Variants in AK5 observed in about 807,000 individuals in gnomAD.
AK5 encodes the protein adenylate kinase isoenzyme 5.
In AK5, 27 loss-of-function variants were observed where a neutral mutation model predicts 69.5. The observed-to-expected ratio is 0.39, with a 90% CI of 0.29 to 0.54. The LOEUF (loss-of-function observed/expected upper bound fraction) is 0.54. Ranked by LOEUF, AK5 falls within the 20% of genes least tolerant of loss-of-function variation. The pLI, the probability that AK5 is intolerant of heterozygous loss-of-function variation, is 0.71. For synonymous variants in AK5, 260 were observed against 244.4 expected (o/e 1.06, Z -0.60); for missense variants, 531 against 700.4 (o/e 0.76, Z 2.73).
At chr1:77,292,740 A>G (rs1337039876) in intron 2 of AK5, among the ~76,000 whole-genome samples, 2 of 152,178 alleles carry the variant, frequency 1.3e-5, no homozygotes, top group Non-Finnish European at 2.9e-5. Context: ...CAACTGTGTT[A>G]TATTTCCTGC....
chr1:77,486,554 C>G, intron 10 of AK5, among the ~76,000 whole-genome samples: 1 of 151,948 alleles, frequency 6.6e-6, no homozygotes, highest in Admixed American at 6.6e-5. Context: ...AAAAATTAGC[C>G]GGGCATGGTG....
At chr1:77,515,765 A>T (rs548611255) in intron 10 of AK5, among the ~76,000 whole-genome samples, 1 of 152,148 alleles carries the variant, frequency 6.6e-6, no homozygotes, top group African/African-American at 2.4e-5. Flanking sequence ...AAAAGGATGA[A>T]TGTGACCGGG....
At chr1:77,551,290 C>T (rs183858100) in intron 13 of AK5, among the ~76,000 whole-genome samples, 66 of 152,234 alleles carry the variant, frequency 4.3e-4, no homozygotes, top group Admixed American at 1.0e-3. Flanking sequence ...ACTTTATTCT[C>T]AGAACTTGGC....
chr1:77,291,433 A>G (rs1401615596), intron 2 of AK5, among the ~76,000 whole-genome samples: 1 of 152,058 alleles, frequency 6.6e-6, no homozygotes, highest in Non-Finnish European at 1.5e-5. Flanking sequence ...AATTCATTCT[A>G]ACTAGCAGAT....
intron 10 of AK5, among the ~76,000 whole-genome samples, chr1:77,491,968 C>T (rs1399260741): frequency 6.6e-6 from 1 of 152,134 alleles, no homozygotes; most frequent in African/African-American, 2.4e-5. Flanking sequence ...CTTGAAGTGA[C>T]AGGCTTTATT....
chr1:77,401,924 C>T (rs1649241645), intron 6 of AK5, among the ~76,000 whole-genome samples: 1 of 152,154 alleles, frequency 6.6e-6, no homozygotes, highest in Non-Finnish European at 1.5e-5. Context: ...TTCCAATTGA[C>T]CTCTCTAGCC....
At chr1:77,319,960 T>C (rs536171567) in intron 5 of AK5, among the ~76,000 whole-genome samples, 1 of 152,320 alleles carries the variant, frequency 6.6e-6, no homozygotes, top group African/African-American at 2.4e-5. Context: ...AGAAGGTGTA[T>C]TAGTCCATTC....
At position 77,287,087 on chromosome 1, in the gene AK5, A is replaced by G. The variant is rs1483331383; in HGVS notation, c.207A>G (p.Pro69=). The G allele has an allele frequency of 6.2e-7, 1 of 1,605,624 alleles. No individual in the cohort carries two copies. Among genetic ancestry groups the G allele is most frequent in the Non-Finnish European group, 8.5e-7 (1 of 1,176,086 alleles). The stretch of plus-strand genomic sequence containing the variant: ...GCCAGGAAAAGAAGACCTTACCTCC[A>G]CTAAATGGAGGACAGTCACGGAGAT... ...FVSQEKKTLP[P]LNGGQSRRSF... Residue 69 remains proline (P), a synonymous_variant, in exon 2 of 14, where the codon CCA becomes CCG. Transcript: ENST00000354567.
chr1:77,394,532 G>T (rs1648704641), intron 6 of AK5, among the ~76,000 whole-genome samples: 1 of 152,042 alleles, frequency 6.6e-6, no homozygotes. Flanking sequence ...TAATGTTAGG[G>T]TTAAGTAAAA....
intron 7 of AK5, among the ~76,000 whole-genome samples, chr1:77,413,570 C>G (rs1417623977): frequency 6.6e-6 from 1 of 152,192 alleles, no homozygotes; most frequent in Admixed American, 6.5e-5. Flanking sequence ...GGCTGCGTCA[C>G]TCAACTGCTC....
At chr1:77,493,338 G>T (rs892976069) in intron 10 of AK5, among the ~76,000 whole-genome samples, 1 of 150,104 alleles carries the variant, frequency 6.7e-6, no homozygotes, top group South Asian at 2.2e-4. Context: ...GCCCCCCCCA[G>T]GTTCTCAGGC....
At chr1:77,527,307 AG>A (rs1479382406) in intron 12 of AK5, among the ~76,000 whole-genome samples, 1 of 152,184 alleles carries the variant, frequency 6.6e-6, no homozygotes, top group Non-Finnish European at 1.5e-5. Context: ...AGTTAGGGTG[AG>A]CTCAGAGCTC....
At chr1:77,434,645 A>G (rs552438961) in intron 8 of AK5, among the ~76,000 whole-genome samples, 2 of 152,234 alleles carry the variant, frequency 1.3e-5, no homozygotes, top group African/African-American at 4.8e-5. Flanking sequence ...TAAATAATCA[A>G]AAAACATAAT....
chr1:77,520,202 CAAA>C (rs377135288), intron 11 of AK5, among the ~76,000 whole-genome samples: 11 of 110,550 alleles, frequency 1.0e-4, no homozygotes, highest in Non-Finnish European at 1.3e-4. Flanking sequence ...AACTCCATCT[CAAA>C]AAAAAAAAAA....
chr1:77,283,151 C>G, intron 1 of AK5: 2 of 985,746 alleles, frequency 2.0e-6, no homozygotes, highest in Non-Finnish European at 2.4e-6. Context: ...CACTTGGAGA[C>G]TGAGAGAGAG....
chr1:77,336,418 TA>T (rs1661364830), intron 5 of AK5, among the ~76,000 whole-genome samples: 1 of 152,182 alleles, frequency 6.6e-6, no homozygotes, highest in Admixed American at 6.5e-5. Flanking sequence ...ACTGTTTGCA[TA>T]AACAAGCAAG....
intron 6 of AK5, among the ~76,000 whole-genome samples, chr1:77,355,923 T>C (rs1231084597): frequency 6.7e-6 from 1 of 148,180 alleles, no homozygotes; most frequent in Non-Finnish European, 1.5e-5. Flanking sequence ...ATACACACAC[T>C]TAATATATAT....
At chr1:77,450,934 T>C (rs975015146) in intron 8 of AK5, among the ~76,000 whole-genome samples, 1 of 152,170 alleles carries the variant, frequency 6.6e-6, no homozygotes, top group Non-Finnish European at 1.5e-5. Context: ...CCAGCACTTT[T>C]GGAGGTCGAA....
intron 6 of AK5, among the ~76,000 whole-genome samples, chr1:77,369,637 G>A (rs1647082813): frequency 6.6e-6 from 1 of 151,982 alleles, no homozygotes; most frequent in Non-Finnish European, 1.5e-5. Context: ...AGATAAAAAT[G>A]GGACCATACT....
Sources: allele counts gnomAD v4.1 joint callset (sites outside exome capture counted in the v4.1 genomes callset), GRCh38; gene constraint gnomAD v4.1.1; transcripts MANE v1.5; gene names NCBI Gene and HGNC (gene_info 2026-07-23, HGNC 2026-07-21).